TRPA1: variants seen among roughly 807,000 people sequenced by gnomAD.
The protein encoded by TRPA1 is transient receptor potential cation channel subfamily A member 1, also known as ankyrin-like with transmembrane domains 1.
A neutral mutation model predicts 131.3 loss-of-function variants in TRPA1; 129 were observed. The ratio of observed to expected loss-of-function variants is 0.98; its 90% CI spans 0.85 to 1.14. TRPA1 has a LOEUF of 1.14. TRPA1 is among the 50% of genes most tolerant of loss of function. The pLI is 0.00. For synonymous variants in TRPA1, 441 were observed against 451.7 expected, an observed-to-expected ratio of 0.98 and a Z score of 0.30; for missense variants, 1,304 against 1,354.2, an observed-to-expected ratio of 0.96 and a Z score of 0.58.
intron 17 of TRPA1, among the ~76,000 whole-genome samples, chr8:72,042,821 T>C (rs894120770): frequency 2.6e-5 from 4 of 151,818 alleles, no homozygotes; most frequent in African/African-American, 9.7e-5. Context: ...GTACAAATAC[T>C]GTAAGATTCC....
At position 72,047,137 on chromosome 8, in the gene TRPA1, A is replaced by G. The variant is rs1344173751; in HGVS notation, c.1965+11T>C. 1.3e-6 allele frequency: 2 copies of G among 1,584,782 alleles called. No individual in the cohort carries two copies. Among genetic ancestry groups the G allele is most frequent in the Non-Finnish European group, 1.7e-6 (2 of 1,155,682 alleles). ...AATAAATTTCAGATAATGATGATAA[A>G]ATAAACTTACATAATAGTCTCGGCA... is the stretch of plus-strand genomic sequence containing the variant. On this transcript the variant is annotated intron_variant, in intron 16 of 26. Coordinates refer to ENST00000262209, the MANE Select transcript of TRPA1 (RefSeq NM_007332.3).
chr8:72,060,620 A>G (rs1231197665), intron 7 of TRPA1, among the ~76,000 whole-genome samples: 2 of 151,960 alleles, frequency 1.3e-5, no homozygotes, highest in African/African-American at 4.8e-5. Flanking sequence ...TAAATTTTTG[A>G]AGGTCTCAAA....
At chr8:72,040,705 T>G (rs73687846) in intron 17 of TRPA1, among the ~76,000 whole-genome samples, 2,923 of 152,200 alleles carry the variant, frequency 0.019, 78 homozygotes, top group East Asian at 0.082. Context: ...AGTAGATCAC[T>G]GGGTCTTAGT....
At chr8:72,086,047 T>C in the TRPA1 span, among the ~76,000 whole-genome samples, 1 of 152,008 alleles carries the variant, frequency 6.6e-6, no homozygotes, top group Non-Finnish European at 1.5e-5. Flanking sequence ...ATTACAAGCA[T>C]CTGCCACCAT....
Position 72,022,933 on chromosome 8 carries a change from C to A in TRPA1, c.3333G>T (p.Lys1111Asn). The change falls in exon 27 of 27, where the codon AAG (lysine) becomes AAT (asparagine). Residue 1111 changes from lysine to asparagine, a missense_variant. Coordinates refer to ENST00000262209, the MANE Select transcript of TRPA1 (RefSeq NM_007332.3). ...AAGGCTCAAGATGGTGTGTTTTTGCCTTGACTGCTCTCAACACAGTATTCC... is the reference window on the plus strand; with the variant it reads ...AAGGCTCAAGATGGTGTGTTTTTGCATTGACTGCTCTCAACACAGTATTCC... Reference protein sequence around the residue: ...SRWNTVLRAVKAKTHHLEP With the variant: ...SRWNTVLRAVNAKTHHLEP 6.2e-7 allele frequency: 1 copy of A among 1,613,768 alleles called. No individual in the cohort carries two copies. The highest frequency in any genetic ancestry group is 8.5e-7 in the Non-Finnish European group (1 of 1,179,800).
In TRPA1 at chr8:72,021,872, A is replaced by C. The variant is rs2129432144; in HGVS notation, c.*1034T>G. 1 of 152,338 alleles carries C rather than the reference A, an allele frequency of 6.6e-6. No homozygotes were observed. 9.4% of individuals were successfully genotyped at this position (152,338 alleles called of 1,614,324 possible). ...AATTATAAGAGAAATAAGAAGCAAA[A>C]ACAGAAATAGAAGCTATAGCATAAT... On this transcript the variant is annotated 3_prime_UTR_variant, in exon 27 of 27. Coordinates refer to ENST00000262209, the MANE Select transcript of TRPA1 (RefSeq NM_007332.3).
At chr8:72,034,402 T>G (rs750240918) in intron 21 of TRPA1, 25 bp from the exon 22 acceptor site, 4 of 1,342,834 alleles carry the variant, frequency 3.0e-6, no homozygotes, top group Admixed American at 2.0e-5. Flanking sequence ...AAAAAAAAAT[T>G]TACTCACTTT....
chr8:72,067,660 G>A (rs919582866), intron 3 of TRPA1, among the ~76,000 whole-genome samples: 19 of 152,168 alleles, frequency 1.2e-4, no homozygotes, highest in Non-Finnish European at 2.9e-5. Flanking sequence ...AGCCTTCAGA[G>A]GGAGCACAGA....
rs769411693 is a variant in TRPA1 at position 72,029,961 on chromosome 8, C to A, written c.2877G>T (p.Leu959Phe). The change falls in exon 24 of 27, where the codon TTG (leucine) becomes TTT (phenylalanine). Residue 959 changes from leucine to phenylalanine, a missense_variant. Leu to Phe is a conservative substitution (Grantham distance 22). Coordinates refer to ENST00000262209, the MANE Select transcript of TRPA1 (RefSeq NM_007332.3). ...PIVLMNLLIG[L>F]AVGDIAEVQK... is the part of the protein sequence containing the mutation. ...GGACCTCAGCAATGTCGCCAACTGC[C>A]AAACCAATCTGAAGTATGACACAAA... 6.2e-7 allele frequency: 1 copy of A among 1,613,878 alleles called. No homozygotes were observed.
chr8:72,025,821 T>A, intron 25 of TRPA1, 139 bp downstream of exon 25: 1 of 744,018 alleles, frequency 1.3e-6, no homozygotes, highest in Non-Finnish European at 2.3e-6. Flanking sequence ...AATCATATCC[T>A]TTTTTTAAAA....
In TRPA1 at chr8:72,075,429, A is replaced by C. The variant is rs774117076; in HGVS notation, c.-20T>G. The C allele has an allele frequency of 9.5e-6, 15 of 1,585,882 alleles. 1 individual carries two copies. The South Asian group carries it at 1.5e-4, about 16-fold the overall frequency. ...CTTCATTGACCCCACCCCGGACGCC[A>C]CCTGGTGCAGCTGCTCACCACGCGC... On this transcript the variant is annotated 5_prime_UTR_variant, in exon 1 of 27. Transcript: ENST00000262209.
chr8:72,054,678 A>G (rs935006131), intron 12 of TRPA1: 2 of 152,044 alleles, frequency 1.3e-5, no homozygotes, highest in East Asian at 3.8e-4. Flanking sequence ...TGTAAACCAG[A>G]AAAAACTGAG....
In TRPA1 at chr8:72,065,492, T is replaced by A. The variant is rs199675787; in HGVS notation, c.511A>T (p.Ile171Phe). ...TCGCTATTATTTGTGGTGCACGCAA[T>A]GATCACAGCTGTGTTTCCATTTTCT... is the stretch of plus-strand genomic sequence containing the variant. ...EGENGNTAVIIACTTNNSEAL... is the reference protein window; with the variant it reads ...EGENGNTAVIFACTTNNSEAL... Residue 171 changes from isoleucine (I) to phenylalanine (F), a missense_variant, in exon 4 of 27, where the codon ATT (isoleucine) becomes TTT (phenylalanine). By Grantham distance (21) the Ile-to-Phe change is conservative. Coordinates refer to ENST00000262209, the MANE Select transcript of TRPA1 (RefSeq NM_007332.3). 2.6e-5 allele frequency: 42 copies of A among 1,613,518 alleles called. No individual in the cohort carries two copies. The highest frequency in any genetic ancestry group is 3.6e-5 in the Non-Finnish European group (42 of 1,179,758).
chr8:72,036,724 C>A (rs1247894297), intron 20 of TRPA1, among the ~76,000 whole-genome samples: 1 of 152,126 alleles, frequency 6.6e-6, no homozygotes, highest in African/African-American at 2.4e-5. Context: ...CTGGGCTTTC[C>A]CTGTGGAGTC....
At chr8:72,036,561 G>T in intron 20 of TRPA1, 104 bp from the exon 21 acceptor site, 1 of 1,124,854 alleles carries the variant, frequency 8.9e-7, no homozygotes, top group Non-Finnish European at 1.3e-6. Flanking sequence ...TTTGCAGCCA[G>T]CTGGGGAGAA....
Position 72,071,845 on chromosome 8 carries a change from T to A in TRPA1, c.134A>T (p.Tyr45Phe), listed in dbSNP as rs1329429594. 1 of 1,612,122 alleles carries A rather than the reference T, an allele frequency of 6.2e-7. No individual in the cohort carries two copies. Residue 45 changes from tyrosine (Y) to phenylalanine (F), a missense_variant, in exon 2 of 27, where the codon TAT (tyrosine) becomes TTT (phenylalanine). By Grantham distance (22) the Tyr-to-Phe change is conservative (BLOSUM62 3). Coordinates refer to ENST00000262209, the MANE Select transcript of TRPA1 (RefSeq NM_007332.3). ...TTGCTTATTAAAGTTTTGTAATCCA[T>A]ATGCACTTCCTTCAAAAACCACCTA... ...SLKVVFEGSA[Y>F]GLQNFNKQKK... is the part of the protein sequence containing the mutation.
At position 72,061,680 on chromosome 8, in the gene TRPA1, C is replaced by T; in HGVS notation, c.889G>A (p.Gly297Ser). The T allele has an allele frequency of 6.2e-7, 1 of 1,614,014 alleles. No homozygotes were observed. The highest frequency in any genetic ancestry group is 2.2e-5 in the East Asian group (1 of 44,872). Reference protein sequence around the residue: ...IVKLMISSYSGSVDIVNTTDG... With the variant: ...IVKLMISSYSSSVDIVNTTDG... ...GTTGTGTTAACAATATCCACGCTAC[C>T]AGAATAGGACGATATCATCAGTTTA... Residue 297 changes from glycine (G) to serine (S), a missense_variant, in exon 7 of 27, where the codon GGT becomes AGT. Physicochemically the swap from Gly to Ser is moderately conservative, Grantham distance 56. Transcript: ENST00000262209.
At position 72,055,873 on chromosome 8, in the gene TRPA1, T is replaced by C. The variant is rs1441804135; in HGVS notation, c.1195-18A>G. ...TGTTGCATCTATAGGAAAAAATTAA[T>C]ATCATACAAATAACTCTGCTATTAT... On this transcript the variant is annotated intron_variant, in intron 10 of 26. Transcript: ENST00000262209. The C allele has an allele frequency of 3.1e-6, 5 of 1,611,696 alleles. No homozygotes were observed. The South Asian group carries it at 3.3e-5, about 11-fold the overall frequency.
the TRPA1 span, among the ~76,000 whole-genome samples, chr8:72,080,889 TA>T: frequency 2.0e-5 from 3 of 151,836 alleles, no homozygotes; most frequent in African/African-American, 7.2e-5. Flanking sequence ...GTAGGGTGTG[TA>T]ATAATGCCCC....
Sources: allele counts gnomAD v4.1 joint callset (sites outside exome capture counted in the v4.1 genomes callset), GRCh38; gene constraint gnomAD v4.1.1; transcripts MANE v1.5; gene names NCBI Gene and HGNC (gene_info 2026-07-23, HGNC 2026-07-21).